Variants in MYO18A observed in about 807,000 individuals in gnomAD.
MYO18A encodes unconventional myosin-XVIIIa.
MYO18A carries 78 observed loss-of-function variants against 235.8 expected under a neutral mutation model. The observed-to-expected ratio is 0.33, with a 90% CI of 0.28 to 0.40. The LOEUF (loss-of-function observed/expected upper bound fraction) is 0.40, where lower values mean the gene tolerates loss of function less well. Among genes scored for constraint, MYO18A ranks in the 10% least tolerant of loss-of-function variants. MYO18A has a pLI of 1.00. For synonymous variants in MYO18A, 977 were observed against 1,077.8 expected (o/e 0.91, Z 1.83); for missense variants, 2,215 against 2,699.3 (o/e 0.82, Z 3.98).
In MYO18A at chr17:29,128,489, G is replaced by A. The variant is rs1015840445; in HGVS notation, c.1000-6236C>T. The A allele has an allele frequency of 2.3e-6, 3 of 1,287,648 alleles. No homozygotes were observed. The African/African-American group carries it at 4.6e-5, about 20-fold the overall frequency. The allele number at this position is 1,287,648 out of a possible 1,614,324, so 79.8% of individuals were successfully genotyped here. ...GGAAGTCTCTGGGGGTATCGGGCTGGTGGGAGGCTGAGGACTCCTAGATGG... is the reference window on the plus strand; with the variant it reads ...GGAAGTCTCTGGGGGTATCGGGCTGATGGGAGGCTGAGGACTCCTAGATGG... On this transcript the variant is annotated intron_variant, in intron 2 of 41. Coordinates refer to ENST00000527372, the MANE Select transcript of MYO18A (RefSeq NM_078471.4).
At chr17:29,115,275 C>T (rs2067030345) in intron 13 of MYO18A, 76 bp downstream of exon 13, 7 of 1,537,316 alleles carry the variant, frequency 4.6e-6, no homozygotes, top group Non-Finnish European at 6.3e-6. Context: ...GGCTCTGCCT[C>T]GGCCAACAAG....
At position 29,153,380 on chromosome 17, in the gene MYO18A, T is replaced by A. The variant is rs2067997898; in HGVS notation, c.999+12562A>T. ...CTAGTCTTGAACTCCTGGGCTCAAG[T>A]GATCCTCCTGCCTCAACCTTCCAAA... On this transcript the variant is annotated intron_variant, in intron 2 of 41. Coordinates refer to ENST00000527372, the MANE Select transcript of MYO18A (RefSeq NM_078471.4). Among the ~76,000 whole-genome samples, 2 of 152,240 alleles carry A rather than the reference T, an allele frequency of 1.3e-5. 1 individual carries two copies. Among genetic ancestry groups the A allele is most frequent in the South Asian group, 4.1e-4 (2 of 4,832 alleles).
At chr17:29,176,005 C>A (rs1178074208) in intron 1 of MYO18A, among the ~76,000 whole-genome samples, 1 of 152,102 alleles carries the variant, frequency 6.6e-6, no homozygotes, top group Non-Finnish European at 1.5e-5. Context: ...TTGCAGTGAG[C>A]CAAGATTGCG....
intron 27 of MYO18A, 116 bp downstream of exon 27, chr17:29,097,107 C>G: frequency 6.8e-7 from 1 of 1,474,950 alleles, no homozygotes; most frequent in Non-Finnish European, 9.1e-7. Context: ...ACATGCCAGC[C>G]TCCCCGATCC....
chr17:29,165,115 C>A (rs1369000836), intron 2 of MYO18A, among the ~76,000 whole-genome samples: 2 of 152,220 alleles, frequency 1.3e-5, no homozygotes, highest in South Asian at 2.1e-4. Context: ...TTCTCTGCAG[C>A]CTCACCTGAT....
At chr17:29,151,962 G>C (rs2067972626) in intron 2 of MYO18A, among the ~76,000 whole-genome samples, 2 of 152,220 alleles carry the variant, frequency 1.3e-5, no homozygotes, top group African/African-American at 4.8e-5. Context: ...ACACGGTGGA[G>C]AATGGACTCT....
intron 37 of MYO18A, 87 bp from the exon 38 acceptor site, chr17:29,087,208 G>C (rs2066278010): frequency 7.2e-7 from 1 of 1,398,472 alleles, no homozygotes; most frequent in Non-Finnish European, 9.8e-7. Flanking sequence ...TGGGTGAGGA[G>C]GCCTGGGGTC....
chr17:29,161,253 G>C (rs1266377295), intron 2 of MYO18A, among the ~76,000 whole-genome samples: 1 of 151,796 alleles, frequency 6.6e-6, no homozygotes, highest in Non-Finnish European at 1.5e-5. Context: ...TACTCAGGAG[G>C]CTGAGGCAGG....
intron 41 of MYO18A, 157 bp from the exon 42 acceptor site, chr17:29,075,071 T>A: frequency 1.3e-6 from 1 of 793,620 alleles, no homozygotes; most frequent in Non-Finnish European, 2.0e-6. Context: ...TAGAAGATAC[T>A]CAAAATGCTA....
chr17:29,082,205 A>T, intron 41 of MYO18A, 111 bp downstream of exon 41: 1 of 1,452,286 alleles, frequency 6.9e-7, no homozygotes, highest in Non-Finnish European at 9.5e-7. Flanking sequence ...GGCCGCAGTC[A>T]CAAATGCCAG....
At position 29,134,616 on chromosome 17, in the gene MYO18A, G is replaced by A. The variant is rs561289523; in HGVS notation, c.1000-12363C>T. On this transcript the variant is annotated intron_variant, in intron 2 of 41. Transcript: ENST00000527372. The stretch of plus-strand genomic sequence containing the variant: ...CGGCTCACTGCAACCTCCACCTCCC[G>A]GACTCAAGCGATTCTCCTGCCTCAG... Among the ~76,000 whole-genome samples, 28 of 152,112 alleles carry A rather than the reference G, an allele frequency of 1.8e-4. No homozygotes were observed. In the South Asian group the frequency reaches 5.4e-3, roughly 29 times the overall value.
At position 29,082,338 on chromosome 17, in the gene MYO18A, C is replaced by T; in HGVS notation, c.5998G>A (p.Asp2000Asn). The T allele has an allele frequency of 6.2e-7, 1 of 1,613,974 alleles. No individual in the cohort carries two copies. Among genetic ancestry groups the T allele is most frequent in the Non-Finnish European group, 8.5e-7 (1 of 1,179,872 alleles). Residue 2000 changes from aspartate to asparagine, a missense_variant, in exon 41 of 42, where the codon GAT becomes AAT. Asp to Asn is a conservative substitution (Grantham distance 23). Coordinates refer to ENST00000527372, the MANE Select transcript of MYO18A (RefSeq NM_078471.4). ...CACCTGGAACTCTTTAAGCTGCCAT[C>T]ATCAGAAGCTGCCTTGGAAGGTCCC... ...NKGPSKAASDDGSLKSSSPTS... is the reference protein window; with the variant it reads ...NKGPSKAASDNGSLKSSSPTS...
At chr17:29,108,913 C>T (rs147228891) in intron 19 of MYO18A, among the ~76,000 whole-genome samples, 122 of 152,148 alleles carry the variant, frequency 8.0e-4, no homozygotes, top group South Asian at 3.1e-3. Context: ...TGGTTCAGAG[C>T]GGTAACAATC....
intron 30 of MYO18A, 49 bp from the exon 31 acceptor site, chr17:29,094,139 C>A (rs1409511348): frequency 2.2e-6 from 3 of 1,388,716 alleles, no homozygotes; most frequent in Admixed American, 3.9e-5. Flanking sequence ...GCTGTGGCCA[C>A]CCCCTTCCCA....
intron 2 of MYO18A, among the ~76,000 whole-genome samples, chr17:29,123,162 C>T (rs1338040556): frequency 6.6e-6 from 1 of 152,178 alleles, no homozygotes; most frequent in African/African-American, 2.4e-5. Flanking sequence ...AACCTGGCAC[C>T]CTCTAAGAAG....
At chr17:29,114,823 A>G in intron 14 of MYO18A, 84 bp downstream of exon 14, 1 of 1,389,744 alleles carries the variant, frequency 7.2e-7, no homozygotes, top group Non-Finnish European at 9.8e-7. Flanking sequence ...GAGTAAGGTG[A>G]TGCCTTCTGC....
chr17:29,121,177 T>C lies in MYO18A; in HGVS notation c.1406A>G (p.Asp469Gly). ...MHMFKGCRRE[D>G]MAPHIYAVAQ... Reference sequence around the variant, plus strand: ...CACTGCATAGATGTGGGGTGCCATGTCCTCCCGCCGACAACCCTTGAACAT... The same window carrying C: ...CACTGCATAGATGTGGGGTGCCATGCCCTCCCGCCGACAACCCTTGAACAT... Residue 469 changes from aspartate (D) to glycine (G), a missense_variant, in exon 6 of 42, where the codon GAC (aspartate) becomes GGC (glycine). Transcript: ENST00000527372. This position sits in a 1 kb window ranked among gnomAD's most constrained non-coding sequence, Gnocchi z 4.2. 7.5e-6 allele frequency: 12 copies of C among 1,609,624 alleles called. No individual in the cohort carries two copies. The highest frequency in any genetic ancestry group is 1.0e-5 in the Non-Finnish European group (12 of 1,178,190).
chr17:29,107,187 A>C lies in MYO18A; in HGVS notation c.3334T>G (p.Tyr1112Asp). ...LDAMRMYRQG[Y>D]PDHMVFSEFR... Reference sequence around the variant, plus strand: ...TCGGAAAACACCATGTGGTCAGGGTAACCTAGAGAGAGCAGCCCAGAGCCA... The same window carrying C: ...TCGGAAAACACCATGTGGTCAGGGTCACCTAGAGAGAGCAGCCCAGAGCCA... The change falls in exon 20 of 42, where the codon TAC becomes GAC. Residue 1112 changes from tyrosine (Y) to aspartate (D), a missense_variant and splice_region_variant. Transcript: ENST00000527372. 1 of 1,613,968 alleles carries C rather than the reference A, an allele frequency of 6.2e-7. No homozygotes were observed. The highest frequency in any genetic ancestry group is 1.1e-5 in the South Asian group (1 of 91,082).
rs1292995037 is a variant in MYO18A at position 29,116,721 on chromosome 17, A to ACC, written c.2039-268_2039-267dup. 2.9e-3 allele frequency among the ~76,000 whole-genome samples: 10 copies of ACC among 3,468 alleles called. 1 individual carries two copies. The highest frequency in any genetic ancestry group is 2.7e-3 in the Non-Finnish European group (4 of 1,480). 2.3% of individuals were successfully genotyped at this position (3,468 alleles called of 152,430 possible). On this transcript the variant is annotated intron_variant, in intron 10 of 41. Transcript: ENST00000527372. ...TGCACATGTGTGTGTGCGCAAACAC[A>ACC]CCCTCCCCCCCCCCCCCCCCCCCCG...
Sources: allele counts gnomAD v4.1 joint callset (sites outside exome capture counted in the v4.1 genomes callset), GRCh38; gene constraint gnomAD v4.1.1; non-coding constraint Gnocchi (gnomAD v3.1); transcripts MANE v1.5; gene names NCBI Gene and HGNC (gene_info 2026-07-23, HGNC 2026-07-21).